The following MAST2 variants were observed in gnomAD, a reference collection of about 807,000 sequenced individuals.
The protein encoded by MAST2 is microtubule associated serine/threonine kinase 2, also known as microtubule-associated serine/threonine-protein kinase 2.
In MAST2, 70 loss-of-function variants were observed where a neutral mutation model predicts 147.4. That is an observed-to-expected ratio of 0.47 (90% CI 0.39 to 0.58). The LOEUF is 0.58. Among genes scored for constraint, MAST2 ranks in the 20% least tolerant of loss-of-function variants. The probability of loss-of-function intolerance (pLI) is 0.00; values close to 1 mark genes in which losing one functional copy is unlikely to be tolerated. For synonymous variants in MAST2, 869 were observed against 896.8 expected (o/e 0.97, Z 0.55); for missense variants, 2,080 against 2,302.3 (o/e 0.90, Z 1.98).
At chr1:45,939,980 G>GGTTTTTTTTT (rs1557937782) in intron 4 of MAST2, among the ~76,000 whole-genome samples, 1 of 97,286 alleles carries the variant, frequency 1.0e-5, no homozygotes, top group Non-Finnish European at 2.0e-5. Context: ...TTTATTTAGG[G>GGTTTTTTTTT]TTTTTTTTTT....
At position 46,031,711 on chromosome 1, in the gene MAST2, G is replaced by T; in HGVS notation, c.3187+126G>T. The T allele has an allele frequency of 1.0e-6, 1 of 964,884 alleles. No homozygotes were observed. The allele number at this position is 964,884 out of a possible 1,614,324, so 59.8% of individuals were successfully genotyped here. On this transcript the variant is annotated intron_variant, in intron 24 of 28. Coordinates refer to ENST00000361297, the MANE Select transcript of MAST2 (RefSeq NM_015112.3). The surrounding 1 kb of genome is among the most constrained non-coding windows in gnomAD (Gnocchi z 4.1). ...AAGCACAGATCTGACTGTGGTCTCTGAAGGTGTGTATTGGTGTCTGGGGTT... is the reference window on the plus strand; with the variant it reads ...AAGCACAGATCTGACTGTGGTCTCTTAAGGTGTGTATTGGTGTCTGGGGTT...
Position 46,035,395 on chromosome 1 carries a change from C to A in MAST2, c.4726C>A (p.Pro1576Thr). 6.2e-7 allele frequency: 1 copy of A among 1,612,374 alleles called. No individual in the cohort carries two copies. The highest frequency in any genetic ancestry group is 8.5e-7 in the Non-Finnish European group (1 of 1,179,402). The change falls in exon 29 of 29, where the codon CCC becomes ACC. Residue 1576 changes from proline (P) to threonine (T), a missense_variant. Physicochemically the swap from Pro to Thr is conservative, Grantham distance 38. Around this residue, in one of 4 missense-constraint regions of MAST2, gnomAD observed 1,278 missense variants for 1,304.2 expected, o/e 0.98. Transcript: ENST00000361297. The surrounding 1 kb of genome is among the most constrained non-coding windows in gnomAD (Gnocchi z 5.5). ...ITLGPPRMES[P>T]SGPHRRLGSP... ...ACTGGGGCCTCCCAGAATGGAAAGT[C>A]CCAGTGGTCCCCACAGGAGGCTCGG... is the stretch of plus-strand genomic sequence containing the variant.
At chr1:45,883,073 A>C (rs1359012003) in intron 4 of MAST2, among the ~76,000 whole-genome samples, 2 of 152,128 alleles carry the variant, frequency 1.3e-5, no homozygotes, top group Non-Finnish European at 2.9e-5. Context: ...GGGCCCAAAA[A>C]CCTGTACTGT....
At chr1:45,998,086 C>G (rs932155463) in intron 6 of MAST2, among the ~76,000 whole-genome samples, 1 of 151,832 alleles carries the variant, frequency 6.6e-6, no homozygotes, top group African/African-American at 2.4e-5. Flanking sequence ...TTTTAAGTCC[C>G]TGATGTCCTA....
chr1:46,011,174 A>G, intron 10 of MAST2: 1 of 547,934 alleles, frequency 1.8e-6, no homozygotes, highest in South Asian at 2.2e-5. Flanking sequence ...CCAAAATTAT[A>G]TTACTTTGTT....
intron 4 of MAST2, among the ~76,000 whole-genome samples, chr1:45,912,356 C>T (rs72690901): frequency 0.2 from 30,437 of 152,180 alleles, 3,557 homozygotes; most frequent in Non-Finnish European, 0.26. Flanking sequence ...TAATGGATGT[C>T]ATAAACACAC....
At chr1:45,901,019 T>C (rs1161439651) in intron 4 of MAST2, among the ~76,000 whole-genome samples, 2 of 152,224 alleles carry the variant, frequency 1.3e-5, no homozygotes, top group Non-Finnish European at 1.5e-5. Flanking sequence ...GTCTCATTTG[T>C]CCATTTTCGT....
At chr1:45,895,321 A>G (rs917444969) in intron 4 of MAST2, among the ~76,000 whole-genome samples, 13 of 151,930 alleles carry the variant, frequency 8.6e-5, no homozygotes, top group Admixed American at 2.0e-4. Context: ...TTTTATGGGC[A>G]TATGTTTTCA....
At chr1:45,940,336 A>G (rs1257245182) in intron 4 of MAST2, among the ~76,000 whole-genome samples, 7 of 152,058 alleles carry the variant, frequency 4.6e-5, no homozygotes, top group Admixed American at 2.0e-4. Context: ...CATAGTTTTC[A>G]GCATACAAGT....
chr1:45,984,859 A>C (rs532719641), intron 5 of MAST2, among the ~76,000 whole-genome samples: 1 of 152,162 alleles, frequency 6.6e-6, no homozygotes, highest in Non-Finnish European at 1.5e-5. Context: ...TCTCAGAAAA[A>C]AAATCCATAA....
intron 1 of MAST2, among the ~76,000 whole-genome samples, chr1:45,822,389 T>G (rs1446164135): frequency 8.3e-6 from 1 of 120,748 alleles, no homozygotes; most frequent in Non-Finnish European, 1.8e-5. Flanking sequence ...TCGAAGAGAC[T>G]TGCAGTAAGA....
intron 4 of MAST2, among the ~76,000 whole-genome samples, chr1:45,938,714 C>T (rs141639552): frequency 2.3e-4 from 35 of 152,340 alleles, no homozygotes; most frequent in Non-Finnish European, 4.3e-4. Context: ...TTAACATTCT[C>T]ACCAGCACTA....
At chr1:45,839,278 G>A (rs1160297454) in intron 3 of MAST2, among the ~76,000 whole-genome samples, 2 of 152,100 alleles carry the variant, frequency 1.3e-5, no homozygotes, top group Non-Finnish European at 1.5e-5. Context: ...ACAGGTGCCT[G>A]CCACCATGCC....
intron 5 of MAST2, among the ~76,000 whole-genome samples, chr1:45,983,136 A>G (rs1216645184): frequency 6.6e-6 from 1 of 152,128 alleles, no homozygotes; most frequent in Non-Finnish European, 1.5e-5. Context: ...CTTTTCTCCA[A>G]CGTTGGCCAT....
At chr1:46,005,376 A>C (rs377534569) in intron 7 of MAST2, among the ~76,000 whole-genome samples, 2 of 152,086 alleles carry the variant, frequency 1.3e-5, no homozygotes, top group African/African-American at 4.8e-5. Context: ...AAAAAAAAAA[A>C]AACCCCAGAT....
intron 3 of MAST2, among the ~76,000 whole-genome samples, chr1:45,831,907 G>A (rs182234091): frequency 1.3e-5 from 2 of 151,678 alleles, no homozygotes; most frequent in Non-Finnish European, 2.9e-5. Flanking sequence ...AGCCTCCCAA[G>A]TAGCTGGGAT....
intron 4 of MAST2, among the ~76,000 whole-genome samples, chr1:45,907,613 A>G (rs1290906604): frequency 6.6e-6 from 1 of 152,136 alleles, no homozygotes. Flanking sequence ...TATACAATGT[A>G]ATGACATTAA....
chr1:45,998,508 C>T lies in MAST2; in HGVS notation c.668+709C>T, dbSNP rs375877713. ...AGATTAATCCATCCAAATCACATAC[C>T]TAGGCTCTATACACACATGATTTCT... On this transcript the variant is annotated intron_variant, in intron 6 of 28. Transcript: ENST00000361297. 5.9e-5 allele frequency among the ~76,000 whole-genome samples: 9 copies of T among 152,330 alleles called. No homozygotes were observed. In the South Asian group the frequency reaches 1.9e-3, roughly 32 times the overall value.
At chr1:45,839,115 A>C (rs1458661998) in intron 3 of MAST2, among the ~76,000 whole-genome samples, 1 of 146,004 alleles carries the variant, frequency 6.8e-6, no homozygotes, top group Non-Finnish European at 1.5e-5. Context: ...CTGGGACTAC[A>C]GGCACCATCA....
Sources: allele counts gnomAD v4.1 joint callset (sites outside exome capture counted in the v4.1 genomes callset), GRCh38; gene constraint gnomAD v4.1.1; regional missense constraint gnomAD v4.1.1; non-coding constraint Gnocchi (gnomAD v3.1); transcripts MANE v1.5; gene names NCBI Gene and HGNC (gene_info 2026-07-23, HGNC 2026-07-21).